Variants in CSMD1 observed in about 807,000 individuals in gnomAD.
The protein encoded by CSMD1 is CUB and Sushi multiple domains 1.
Under a neutral mutation model 417.5 loss-of-function variants are expected in CSMD1, and 213 were observed. The ratio of observed to expected loss-of-function variants is 0.51; its 90% CI spans 0.46 to 0.57. The LOEUF (loss-of-function observed/expected upper bound fraction) is 0.57, where lower values mean the gene tolerates loss of function less well. Ranked by LOEUF, CSMD1 falls within the 20% of genes least tolerant of loss-of-function variation. The pLI is 0.00. For missense variants in CSMD1, 6,923 were observed against 4,529.7 expected, an observed-to-expected ratio of 1.53 and a Z score of -15.17; for synonymous variants, 2,862 against 1,736.8, an observed-to-expected ratio of 1.65 and a Z score of -16.11.
chr8:4,737,128 T>A (rs1355022641), intron 1 of CSMD1, among the ~76,000 whole-genome samples: 1 of 151,728 alleles, frequency 6.6e-6, no homozygotes, highest in South Asian at 2.1e-4. Context: ...ATGTGGTACA[T>A]CCATACCATG....
intron 2 of CSMD1, among the ~76,000 whole-genome samples, chr8:4,565,775 T>C (rs1336138851): frequency 4.0e-4 from 17 of 42,118 alleles, no homozygotes; most frequent in African/African-American, 8.6e-4. Flanking sequence ...TATATATATA[T>C]ATATATATAT....
intron 3 of CSMD1, among the ~76,000 whole-genome samples, chr8:4,250,808 A>G (rs971555): frequency 0.083 from 12,595 of 152,210 alleles, 681 homozygotes; most frequent in East Asian, 0.18. Context: ...TGAAAGGCTT[A>G]ATTGTACTGG....
chr8:3,900,870 G>A lies in CSMD1; in HGVS notation c.818+97033C>T, dbSNP rs151167562. ...CCGAGCATTACTTTTTCAGCCAGCT[G>A]CATGCCGTGCTCAGGCGTTTGCTTG... On this transcript the variant is annotated intron_variant, in intron 5 of 69. Coordinates refer to ENST00000635120, the MANE Select transcript of CSMD1 (RefSeq NM_033225.6). Among the ~76,000 whole-genome samples, 679 of 152,310 alleles carry A rather than the reference G, an allele frequency of 4.5e-3. 2 individuals are homozygous for A. Among genetic ancestry groups the A allele is most frequent in the Non-Finnish European group, 7.1e-3 (481 of 68,018 alleles).
intron 3 of CSMD1, among the ~76,000 whole-genome samples, chr8:4,041,063 C>T (rs539567072): frequency 3.8e-4 from 50 of 132,568 alleles, no homozygotes; most frequent in African/African-American, 1.5e-3. Flanking sequence ...GTCGCCCAGG[C>T]TGGAGTGCAG....
rs1021652761 is a variant in CSMD1, at chr8:3,182,752, T to C, written c.5621-1538A>G. 2.2e-5 allele frequency among the ~76,000 whole-genome samples: 3 copies of C among 137,492 alleles called. No homozygotes were observed. The East Asian group carries it at 6.7e-4, about 31-fold the overall frequency. 90.2% of individuals were successfully genotyped at this position (137,492 alleles called of 152,430 possible). A position where few individuals can be genotyped will look rare whatever the true frequency, so the allele number is the denominator to read the frequency against. On this transcript the variant is annotated intron_variant, in intron 36 of 69. Coordinates refer to ENST00000635120, the MANE Select transcript of CSMD1 (RefSeq NM_033225.6). ...GGCTGTCTCTTTATAAGAAGCTCTG[T>C]GTGTGTGTGTGTGTGTATTGTTAGA...
intron 1 of CSMD1, among the ~76,000 whole-genome samples, chr8:4,785,349 G>A (rs1413533197): frequency 6.6e-6 from 1 of 152,168 alleles, no homozygotes; most frequent in Admixed American, 6.5e-5. Context: ...TAGGCTGATG[G>A]TGTGGAGGTG....
chr8:3,101,563 C>A (rs1174652400), intron 46 of CSMD1, among the ~76,000 whole-genome samples: 1 of 151,940 alleles, frequency 6.6e-6, no homozygotes, highest in Non-Finnish European at 1.5e-5. Context: ...GCTGGGACTA[C>A]AGGGGCCCAC....
intron 23 of CSMD1, among the ~76,000 whole-genome samples, chr8:3,336,718 A>G (rs1189900243): frequency 1.3e-5 from 2 of 152,156 alleles, no homozygotes; most frequent in South Asian, 2.1e-4. Flanking sequence ...AGAGCCCTGC[A>G]CACCTAACTT....
intron 10 of CSMD1, among the ~76,000 whole-genome samples, chr8:3,537,224 C>T (rs6988699): frequency 0.024 from 3,629 of 152,210 alleles, 151 homozygotes; most frequent in African/African-American, 0.082. Flanking sequence ...TAGTCAGTCT[C>T]GATCTCCTGA....
At chr8:4,752,357 C>A (rs1430382815) in intron 1 of CSMD1, among the ~76,000 whole-genome samples, 2 of 152,000 alleles carry the variant, frequency 1.3e-5, no homozygotes. Flanking sequence ...CTTTTTTATT[C>A]TCTTGAACAA....
At position 4,347,622 on chromosome 8, in the gene CSMD1, T is replaced by C. The variant is rs554270614; in HGVS notation, c.415+72331A>G. On this transcript the variant is annotated intron_variant, in intron 3 of 69. Coordinates refer to ENST00000635120, the MANE Select transcript of CSMD1 (RefSeq NM_033225.6). The stretch of plus-strand genomic sequence containing the variant: ...TATTGGCCATCTGCTCTGAGTCTTC[T>C]AGTGCAAAAGCAATGAAAGGAGGAG... 3.3e-5 allele frequency among the ~76,000 whole-genome samples: 5 copies of C among 152,300 alleles called. No homozygotes were observed. In the South Asian group the frequency reaches 6.2e-4, roughly 19 times the overall value.
intron 2 of CSMD1, among the ~76,000 whole-genome samples, chr8:4,458,034 C>T (rs374652960): frequency 3.9e-5 from 6 of 152,106 alleles, no homozygotes; most frequent in African/African-American, 1.5e-4. Context: ...TTCCTCTATT[C>T]TTTAAAATTC....
Position 3,963,468 on chromosome 8 carries a change from C to T in CSMD1, c.818+34435G>A, listed in dbSNP as rs574815212. Among the ~76,000 whole-genome samples, 21 of 152,062 alleles carry T rather than the reference C, an allele frequency of 1.4e-4. No homozygotes were observed. The South Asian group carries it at 3.5e-3, about 26-fold the overall frequency. On this transcript the variant is annotated intron_variant, in intron 5 of 69. Transcript: ENST00000635120. Reference sequence around the variant, plus strand: ...TCCAACTTAAGGTGAATGAATGCCTCATAACTGAACATTATGCAATAGAAG... The same window carrying T: ...TCCAACTTAAGGTGAATGAATGCCTTATAACTGAACATTATGCAATAGAAG...
chr8:3,453,456 T>C (rs950146559), intron 12 of CSMD1, among the ~76,000 whole-genome samples: 1 of 152,192 alleles, frequency 6.6e-6, no homozygotes, highest in African/African-American at 2.4e-5. Flanking sequence ...TTTAGTGCTA[T>C]AAATTTCCCT....
At chr8:3,314,216 C>G (rs992047321) in intron 23 of CSMD1, among the ~76,000 whole-genome samples, 4 of 151,982 alleles carry the variant, frequency 2.6e-5, no homozygotes, top group Non-Finnish European at 5.9e-5. Flanking sequence ...CACATGTATA[C>G]ATATGTAACA....
chr8:3,661,128 C>G (rs1220961237), intron 7 of CSMD1, among the ~76,000 whole-genome samples: 1 of 152,200 alleles, frequency 6.6e-6, no homozygotes, highest in African/African-American at 2.4e-5. Context: ...TAAATATAGC[C>G]TGAGGAGAAC....
chr8:3,790,885 G>A (rs555525657), intron 5 of CSMD1, among the ~76,000 whole-genome samples: 3 of 152,192 alleles, frequency 2.0e-5, no homozygotes, highest in African/African-American at 2.4e-5. Flanking sequence ...GGAAACTGTC[G>A]CTAATGAATG....
At chr8:3,636,849 C>T (rs995654177) in intron 7 of CSMD1, among the ~76,000 whole-genome samples, 1 of 152,154 alleles carries the variant, frequency 6.6e-6, no homozygotes, top group African/African-American at 2.4e-5. Flanking sequence ...AATGTCCCTT[C>T]CAAGACTCAT....
intron 2 of CSMD1, among the ~76,000 whole-genome samples, chr8:4,457,775 G>A (rs932235522): frequency 1.1e-4 from 17 of 152,246 alleles, no homozygotes; most frequent in African/African-American, 4.1e-4. Context: ...TTCACTGGCT[G>A]CTTCTCCCAA....
Sources: allele counts gnomAD v4.1 joint callset (sites outside exome capture counted in the v4.1 genomes callset), GRCh38; gene constraint gnomAD v4.1.1; transcripts MANE v1.5; gene names NCBI Gene and HGNC (gene_info 2026-07-23, HGNC 2026-07-21).